The following CTNNA1 variants were observed in gnomAD, a reference collection of about 807,000 sequenced individuals.
CTNNA1 encodes catenin alpha 1.
In CTNNA1, 37 loss-of-function variants were observed where a neutral mutation model predicts 98.4. The observed-to-expected ratio is 0.38, with a 90% confidence interval of 0.29 to 0.49. CTNNA1 has a LOEUF of 0.49. Among genes scored for constraint, CTNNA1 ranks in the 20% least tolerant of loss-of-function variants. CTNNA1 has a pLI of 0.95. For missense variants in CTNNA1, 761 were observed against 1,147.2 expected (o/e 0.66, Z 4.86); for synonymous variants, 404 against 413.2 (o/e 0.98, Z 0.27).
chr5:138,815,498 C>T (rs559074838), intron 5 of CTNNA1, among the ~76,000 whole-genome samples: 1 of 152,042 alleles, frequency 6.6e-6, no homozygotes, highest in South Asian at 2.1e-4. Flanking sequence ...TGCTGGGTGC[C>T]CTGGGTTGCT....
At chr5:138,925,870 T>C (rs1353134700) in intron 13 of CTNNA1, among the ~76,000 whole-genome samples, 2 of 152,180 alleles carry the variant, frequency 1.3e-5, no homozygotes, top group African/African-American at 2.4e-5. Flanking sequence ...CCTAGGCTCA[T>C]GGCCAAGTGC....
chr5:138,794,933 T>G (rs1756772050), intron 3 of CTNNA1, among the ~76,000 whole-genome samples: 1 of 151,566 alleles, frequency 6.6e-6, no homozygotes, highest in Non-Finnish European at 1.5e-5. Flanking sequence ...GTAGATCACC[T>G]GAGGTCAGGA....
intron 1 of CTNNA1, among the ~76,000 whole-genome samples, chr5:138,774,009 G>A (rs887397813): frequency 1.3e-5 from 2 of 152,044 alleles, no homozygotes; most frequent in African/African-American, 2.4e-5. Flanking sequence ...TCAGCCTCCC[G>A]AGTAGCTAGG....
At chr5:138,919,366 G>A (rs912536320) in intron 11 of CTNNA1, among the ~76,000 whole-genome samples, 1 of 152,118 alleles carries the variant, frequency 6.6e-6, no homozygotes, top group Non-Finnish European at 1.5e-5. Flanking sequence ...GATTAGGTTG[G>A]GTATGTCTCA....
intron 10 of CTNNA1, among the ~76,000 whole-genome samples, chr5:138,908,643 C>A (rs575366632): frequency 6.6e-6 from 1 of 152,012 alleles, no homozygotes; most frequent in Non-Finnish European, 1.5e-5. Flanking sequence ...CCAGCCTGGG[C>A]GACAGAGTAT....
chr5:138,861,393 G>A (rs1262848999), intron 7 of CTNNA1, among the ~76,000 whole-genome samples: 1 of 152,138 alleles, frequency 6.6e-6, no homozygotes, highest in East Asian at 1.9e-4. Flanking sequence ...CCTAATGTTC[G>A]TGTCTTTTTT....
chr5:138,925,448 TATC>T (rs1365711653), intron 13 of CTNNA1, 41 bp downstream of exon 13: 1 of 1,598,418 alleles, frequency 6.3e-7, no homozygotes, highest in Admixed American at 1.7e-5. Flanking sequence ...GCTTCTTTCT[TATC>T]ATTTGCTAAA....
intron 1 of CTNNA1, among the ~76,000 whole-genome samples, chr5:138,776,039 C>CTTTTTTTTTTTTTTT (rs57467422): frequency 1.2e-5 from 1 of 83,886 alleles, no homozygotes; most frequent in Non-Finnish European, 2.1e-5. Flanking sequence ...GGAAATGTTT[C>CTTTTTTTTTTTTTTT]TTTTTTTTTT....
At chr5:138,780,985 G>A (rs926378983) in intron 1 of CTNNA1, among the ~76,000 whole-genome samples, 1 of 152,138 alleles carries the variant, frequency 6.6e-6, no homozygotes, top group Non-Finnish European at 1.5e-5. Flanking sequence ...TATTCTTAAA[G>A]CCGCTGTCTG....
intron 7 of CTNNA1, among the ~76,000 whole-genome samples, chr5:138,881,515 T>C (rs1460330610): frequency 6.6e-6 from 1 of 152,254 alleles, no homozygotes; most frequent in Non-Finnish European, 1.5e-5. Context: ...TAAAAGCTGC[T>C]AGTTTCCCTT....
At chr5:138,886,477 A>C (rs1180714203) in intron 8 of CTNNA1, among the ~76,000 whole-genome samples, 185 bp downstream of exon 8, 1 of 152,200 alleles carries the variant, frequency 6.6e-6, no homozygotes, top group Non-Finnish European at 1.5e-5. Context: ...TCATGAAGAC[A>C]TGGGATAATA....
chr5:138,901,274 C>T (rs1013994089), intron 9 of CTNNA1, among the ~76,000 whole-genome samples: 23 of 152,174 alleles, frequency 1.5e-4, no homozygotes, highest in African/African-American at 5.6e-4. Context: ...TCTCATGCCT[C>T]AGCCTCCCAA....
At chr5:138,913,051 G>A (rs1427610188) in intron 10 of CTNNA1, among the ~76,000 whole-genome samples, 1 of 135,394 alleles carries the variant, frequency 7.4e-6, no homozygotes, top group Non-Finnish European at 1.6e-5. Context: ...GTATATAACT[G>A]AAGTGACTTT....
intron 13 of CTNNA1, among the ~76,000 whole-genome samples, chr5:138,927,329 C>G (rs1764287123): frequency 6.6e-6 from 1 of 152,218 alleles, no homozygotes; most frequent in African/African-American, 2.4e-5. Context: ...TTATTTCCTG[C>G]TGATCTCCTC....
chr5:138,808,723 A>G (rs1167111458), intron 3 of CTNNA1, among the ~76,000 whole-genome samples: 1 of 151,392 alleles, frequency 6.6e-6, no homozygotes, highest in Non-Finnish European at 1.5e-5. Context: ...GGAAGACATG[A>G]GAGTGTGAAT....
rs534523907 is a variant in CTNNA1, at chr5:138,755,986, C to G, written c.-3+2476C>G. On this transcript the variant is annotated intron_variant, in intron 1 of 17. Coordinates refer to ENST00000302763, the MANE Select transcript of CTNNA1 (RefSeq NM_001903.5). ...CAAGCGATTCTCCTGTCTCAGCCTC[C>G]GGAGTAGCTGGGATTACTAAGTGCA... is the stretch of plus-strand genomic sequence containing the variant. Among the ~76,000 whole-genome samples, 576 of 151,120 alleles carry G rather than the reference C, an allele frequency of 3.8e-3. 1 individual carries two copies. Among genetic ancestry groups the G allele is most frequent in the Admixed American group, 6.8e-3 (103 of 15,090 alleles).
chr5:138,805,577 C>G (rs1406210689), intron 3 of CTNNA1, among the ~76,000 whole-genome samples: 1 of 151,818 alleles, frequency 6.6e-6, no homozygotes, highest in East Asian at 1.9e-4. Flanking sequence ...TGTTTAAATC[C>G]TTTGCCTATT....
At chr5:138,827,398 C>T in intron 6 of CTNNA1, 117 bp from the exon 7 acceptor site, 1 of 1,162,960 alleles carries the variant, frequency 8.6e-7, no homozygotes, top group Non-Finnish European at 1.2e-6. Flanking sequence ...GTATAACTTT[C>T]TTTCAGATGT....
intron 7 of CTNNA1, among the ~76,000 whole-genome samples, chr5:138,877,616 T>G (rs1357866864): frequency 6.6e-6 from 1 of 151,772 alleles, no homozygotes; most frequent in Non-Finnish European, 1.5e-5. Context: ...CCCGGCTAAT[T>G]TTTTGTATTT....
Sources: gnomAD v4.1 joint callset for allele counts (sites outside exome capture counted in the v4.1 genomes callset) on GRCh38, gnomAD v4.1.1 for gene constraint, MANE v1.5 for transcripts, NCBI Gene and HGNC (gene_info 2026-07-23, HGNC 2026-07-21) for gene names.